CADM1: variants seen among roughly 807,000 people sequenced by gnomAD.
CADM1 encodes the protein TSLC-1.
A neutral mutation model predicts 53.1 loss-of-function variants in CADM1; 15 were observed. The observed-to-expected ratio is 0.28, with a 90% CI of 0.19 to 0.44. CADM1 has a LOEUF of 0.44. CADM1 is among the 20% of genes least tolerant of loss of function. The probability of loss-of-function intolerance (pLI) is 1.00; values close to 1 mark genes in which losing one functional copy is unlikely to be tolerated. For missense variants in CADM1, 434 were observed against 611.3 expected, an observed-to-expected ratio of 0.71 and a Z score of 3.06; for synonymous variants, 281 against 243.0, an observed-to-expected ratio of 1.16 and a Z score of -1.45.
rs200478583 is a variant in CADM1, at chr11:115,301,441, T to TCAAAA, written c.125-61026_125-61022dup. 5.3e-3 allele frequency among the ~76,000 whole-genome samples: 813 copies of TCAAAA among 152,112 alleles called. 28 individuals are homozygous for TCAAAA. The East Asian group carries it at 0.077, about 14-fold the overall frequency. On this transcript the variant is annotated intron_variant, in intron 1 of 11. Transcript: ENST00000331581. ...GTCCTCTTACTAGTCTTACTTGAAG[T>TCAAAA]CAAAACAAAACAAAACAAACAAATA...
At chr11:115,474,649 G>T (rs139037159) in intron 1 of CADM1, among the ~76,000 whole-genome samples, 1 of 143,094 alleles carries the variant, frequency 7.0e-6, no homozygotes, top group Admixed American at 7.4e-5. Flanking sequence ...ATTGAACAAT[G>T]AGAACACTTG....
At chr11:115,486,787 C>T (rs1456930444) in intron 1 of CADM1, among the ~76,000 whole-genome samples, 4 of 152,184 alleles carry the variant, frequency 2.6e-5, no homozygotes, top group African/African-American at 9.7e-5. Flanking sequence ...ACATGGAATG[C>T]CTTTCCTTCT....
chr11:115,463,633 T>C (rs1347697161), intron 1 of CADM1, among the ~76,000 whole-genome samples: 2 of 152,234 alleles, frequency 1.3e-5, no homozygotes, highest in Non-Finnish European at 2.9e-5. Context: ...GGTTCTCCTA[T>C]GAAAGGTTAT....
chr11:115,198,979 T>C (rs1450466591), intron 8 of CADM1, among the ~76,000 whole-genome samples: 1 of 152,230 alleles, frequency 6.6e-6, no homozygotes, highest in African/African-American at 2.4e-5. Flanking sequence ...TGCCTGTAGA[T>C]GAATAGACAG....
chr11:115,193,765 CA>C (rs950768800), intron 9 of CADM1: 5 of 151,508 alleles, frequency 3.3e-5, no homozygotes, highest in Non-Finnish European at 7.4e-5. Context: ...CTCCAGAAAA[CA>C]AAAACTTAGC....
At chr11:115,427,337 A>G (rs1241514866) in intron 1 of CADM1, among the ~76,000 whole-genome samples, 1 of 152,224 alleles carries the variant, frequency 6.6e-6, no homozygotes, top group Non-Finnish European at 1.5e-5. Flanking sequence ...ACAAGGCAGC[A>G]TTTAAATGGA....
chr11:115,267,071 ACT>A (rs1229231912), intron 1 of CADM1, among the ~76,000 whole-genome samples: 2 of 152,202 alleles, frequency 1.3e-5, no homozygotes, highest in Non-Finnish European at 1.5e-5. Context: ...TTGATAAAAC[ACT>A]GTTACTGTCT....
At chr11:115,340,016 C>T (rs1945384065) in intron 1 of CADM1, 1 of 152,124 alleles carries the variant, frequency 6.6e-6, no homozygotes, top group African/African-American at 2.4e-5. Context: ...TCAGCCTACT[C>T]ATCAGGTCCA....
intron 1 of CADM1, among the ~76,000 whole-genome samples, chr11:115,391,105 C>T (rs917856867): frequency 1.3e-5 from 2 of 152,182 alleles, no homozygotes; most frequent in African/African-American, 2.4e-5. Context: ...CAACAATTGT[C>T]TCCTAACTTG....
At chr11:115,219,616 C>T (rs886314365) in intron 5 of CADM1, among the ~76,000 whole-genome samples, 4 of 152,142 alleles carry the variant, frequency 2.6e-5, no homozygotes, top group Non-Finnish European at 5.9e-5. Flanking sequence ...TTTCCAGATA[C>T]TGATAACTGG....
chr11:115,310,128 G>A (rs1944492234), intron 1 of CADM1, among the ~76,000 whole-genome samples: 1 of 152,054 alleles, frequency 6.6e-6, no homozygotes, highest in African/African-American at 2.4e-5. Flanking sequence ...AATCATATAT[G>A]CACGATGGGG....
At chr11:115,221,563 T>C (rs1941406528) in intron 5 of CADM1, among the ~76,000 whole-genome samples, 1 of 152,184 alleles carries the variant, frequency 6.6e-6, no homozygotes, top group African/African-American at 2.4e-5. Context: ...TTGGAATGGG[T>C]TGCTGGCAGA....
intron 1 of CADM1, among the ~76,000 whole-genome samples, chr11:115,332,100 C>T (rs1350867313): frequency 1.3e-5 from 2 of 152,104 alleles, no homozygotes; most frequent in African/African-American, 4.8e-5. Flanking sequence ...AGGAAGTCTG[C>T]AGGGTAAGCA....
chr11:115,459,082 A>G (rs180867321), intron 1 of CADM1, among the ~76,000 whole-genome samples: 12 of 152,326 alleles, frequency 7.9e-5, no homozygotes, highest in Non-Finnish European at 1.5e-4. Flanking sequence ...AATGCAATCT[A>G]TTCACCAGAG....
intron 1 of CADM1, among the ~76,000 whole-genome samples, chr11:115,420,792 G>A (rs1947735352): frequency 6.6e-6 from 1 of 152,190 alleles, no homozygotes; most frequent in Non-Finnish European, 1.5e-5. Flanking sequence ...ACAAAGCCAA[G>A]GCTGTTTCGT....
chr11:115,428,110 GA>G (rs778808634), intron 1 of CADM1, among the ~76,000 whole-genome samples: 32 of 150,440 alleles, frequency 2.1e-4, no homozygotes, highest in Non-Finnish European at 3.4e-4. Flanking sequence ...GCTATTAGAT[GA>G]ACCTGTTCTA....
intron 1 of CADM1, among the ~76,000 whole-genome samples, chr11:115,503,343 G>A (rs1175006281): frequency 6.6e-6 from 1 of 152,216 alleles, no homozygotes; most frequent in African/African-American, 2.4e-5. Flanking sequence ...AGCCGCCCCT[G>A]GGCAAATTCC....
intron 1 of CADM1, among the ~76,000 whole-genome samples, chr11:115,489,694 G>T (rs1949450845): frequency 6.6e-6 from 1 of 152,176 alleles, no homozygotes; most frequent in Non-Finnish European, 1.5e-5. Context: ...AGAGACTCAG[G>T]CCATTCAGAG....
rs376903199 is a variant in CADM1 at position 115,284,369 on chromosome 11, G to C, written c.125-43949C>G. The stretch of plus-strand genomic sequence containing the variant: ...GAAATAATTCCCACACACAGCACAA[G>C]AGAAGGGAACAATAGGCTAGCCAGT... On this transcript the variant is annotated intron_variant, in intron 1 of 11. Coordinates refer to ENST00000331581, the MANE Select transcript of CADM1 (RefSeq NM_001301043.2). Among the ~76,000 whole-genome samples, 35 of 152,162 alleles carry C rather than the reference G, an allele frequency of 2.3e-4. No individual in the cohort carries two copies. The South Asian group carries it at 7.1e-3, about 31-fold the overall frequency.
Sources: gnomAD v4.1 joint callset for allele counts (sites outside exome capture counted in the v4.1 genomes callset) on GRCh38, gnomAD v4.1.1 for gene constraint, MANE v1.5 for transcripts, NCBI Gene and HGNC (gene_info 2026-07-23, HGNC 2026-07-21) for gene names.